The following PDE4D variants were observed in gnomAD, a reference collection of about 807,000 sequenced individuals.
The protein encoded by PDE4D is 3',5'-cyclic-AMP phosphodiesterase 4D.
In PDE4D, 24 loss-of-function variants were observed where a neutral mutation model predicts 87.4. That is an observed-to-expected ratio of 0.27 (90% CI 0.20 to 0.39). The LOEUF is 0.39. Among genes scored for constraint, PDE4D ranks in the 10% least tolerant of loss-of-function variants. The probability of loss-of-function intolerance (pLI) is 1.00; values close to 1 mark genes in which losing one functional copy is unlikely to be tolerated. For synonymous variants in PDE4D, 384 were observed against 383.2 expected (o/e 1.00, Z -0.02); for missense variants, 714 against 1,041.0 (o/e 0.69, Z 4.32).
At chr5:59,191,509 T>G (rs1007314066) in intron 3 of PDE4D, among the ~76,000 whole-genome samples, 1 of 152,140 alleles carries the variant, frequency 6.6e-6, no homozygotes. Flanking sequence ...TACATTGTTA[T>G]GCCATATTTT....
chr5:59,860,552 T>C (rs149858179), intron 1 of PDE4D, among the ~76,000 whole-genome samples: 1 of 152,302 alleles, frequency 6.6e-6, no homozygotes, highest in African/African-American at 2.4e-5. Flanking sequence ...TTTAAATGAA[T>C]CACTTTTAAA....
intron 2 of PDE4D, among the ~76,000 whole-genome samples, chr5:60,180,480 A>G (rs1203138074): frequency 1.3e-5 from 2 of 152,142 alleles, no homozygotes; most frequent in African/African-American, 2.4e-5. Flanking sequence ...GCCTTCCTAA[A>G]AAGAATTAAA....
chr5:59,625,960 C>T (rs978592234), intron 1 of PDE4D, among the ~76,000 whole-genome samples: 2 of 152,046 alleles, frequency 1.3e-5, no homozygotes, highest in East Asian at 1.9e-4. Context: ...TGGTGGCGGG[C>T]GCCTGTAGTC....
intron 1 of PDE4D, among the ~76,000 whole-genome samples, chr5:59,581,968 G>A (rs544301620): frequency 1.3e-5 from 2 of 152,090 alleles, no homozygotes; most frequent in African/African-American, 2.4e-5. Context: ...ATTTGTGAAC[G>A]AGATGAGTTT....
chr5:59,683,132 T>G (rs1462940781), intron 1 of PDE4D, among the ~76,000 whole-genome samples: 1 of 143,436 alleles, frequency 7.0e-6, no homozygotes, highest in East Asian at 1.9e-4. Context: ...TTTTTAGGAA[T>G]TATTTAAGTA....
rs369679211 is a variant in PDE4D, at chr5:59,126,107, A to AAAG, written c.808+54487_808+54488insCTT. ...TTAAGTACAATTGTAAAAAAAAAAA[A>AAAG]AGAGAGAGAGAGAGAGAGAGAGAAA... On this transcript the variant is annotated intron_variant, in intron 5 of 14. Coordinates refer to ENST00000340635, the MANE Select transcript of PDE4D (RefSeq NM_001104631.2). Among the ~76,000 whole-genome samples, 1,095 of 148,088 alleles carry AAAG rather than the reference A, an allele frequency of 7.4e-3. 4 individuals are homozygous for AAAG. The highest frequency in any genetic ancestry group is 9.7e-3 in the African/African-American group (386 of 39,814).
chr5:59,960,892 G>T (rs186122764), intron 3 of PDE4D, among the ~76,000 whole-genome samples: 1 of 152,252 alleles, frequency 6.6e-6, no homozygotes, highest in East Asian at 1.9e-4. Flanking sequence ...ATATTTATAT[G>T]TGAATTGAAA....
At chr5:60,245,228 T>A (rs1338238858) in intron 1 of PDE4D, among the ~76,000 whole-genome samples, 1 of 151,934 alleles carries the variant, frequency 6.6e-6, no homozygotes, top group Non-Finnish European at 1.5e-5. Flanking sequence ...AAAACTACAA[T>A]GAGATATCAT....
At chr5:60,511,776 T>C (rs1750586659) in intron 1 of PDE4D, among the ~76,000 whole-genome samples, 1 of 151,982 alleles carries the variant, frequency 6.6e-6, no homozygotes, top group African/African-American at 2.4e-5. Context: ...CATTATATTG[T>C]AGTGCATTTT....
intron 1 of PDE4D, among the ~76,000 whole-genome samples, chr5:59,718,378 T>TA (rs1189322507): frequency 2.0e-5 from 3 of 152,188 alleles, no homozygotes; most frequent in African/African-American, 4.8e-5. Flanking sequence ...AAGGAACCTC[T>TA]AGTAAGCTGG....
intron 1 of PDE4D, among the ~76,000 whole-genome samples, chr5:60,365,328 T>G (rs2149966822): frequency 6.6e-6 from 1 of 152,320 alleles, no homozygotes; most frequent in South Asian, 2.1e-4. Flanking sequence ...CCAGCTCCTT[T>G]TGAAATGTCA....
intron 1 of PDE4D, among the ~76,000 whole-genome samples, chr5:60,429,308 C>T (rs1410279277): frequency 6.6e-6 from 1 of 152,152 alleles, no homozygotes; most frequent in East Asian, 1.9e-4. Context: ...TCAGCTTGGA[C>T]ATTATCGGTG....
intron 1 of PDE4D, among the ~76,000 whole-genome samples, chr5:59,822,409 T>C (rs778112858): frequency 7.9e-5 from 12 of 152,196 alleles, no homozygotes; most frequent in Middle Eastern, 3.2e-3. Flanking sequence ...TTGGAGGTAA[T>C]GATTTTTAAG....
intron 1 of PDE4D, among the ~76,000 whole-genome samples, chr5:59,769,721 A>G (rs1763252603): frequency 6.6e-6 from 1 of 152,226 alleles, no homozygotes; most frequent in African/African-American, 2.4e-5. Context: ...GGAAGTTCCC[A>G]GTAGCTTAGT....
chr5:59,701,146 G>T (rs1451529063), intron 1 of PDE4D, among the ~76,000 whole-genome samples: 1 of 152,100 alleles, frequency 6.6e-6, no homozygotes, highest in Non-Finnish European at 1.5e-5. Flanking sequence ...CAGTGTCTCT[G>T]TTCCTGCTAT....
At chr5:59,466,896 C>T (rs770859628) in intron 1 of PDE4D, among the ~76,000 whole-genome samples, 12 of 152,094 alleles carry the variant, frequency 7.9e-5, no homozygotes, top group Admixed American at 5.9e-4. Flanking sequence ...TTGAAGTCCT[C>T]GTACATATAC....
At chr5:59,080,438 A>G (rs572779150) in intron 5 of PDE4D, among the ~76,000 whole-genome samples, 1 of 152,276 alleles carries the variant, frequency 6.6e-6, no homozygotes, top group Admixed American at 6.5e-5. Context: ...TGGCTGCAAA[A>G]TGACTTCACT....
At chr5:59,563,230 A>G (rs567751393) in intron 1 of PDE4D, among the ~76,000 whole-genome samples, 1 of 152,372 alleles carries the variant, frequency 6.6e-6, no homozygotes, top group South Asian at 2.1e-4. Flanking sequence ...TTACCACACA[A>G]AGTGCTTAGC....
intron 1 of PDE4D, among the ~76,000 whole-genome samples, chr5:59,384,792 T>A (rs1023079246): frequency 6.6e-6 from 1 of 152,054 alleles, no homozygotes; most frequent in Non-Finnish European, 1.5e-5. Context: ...GATTTTCATT[T>A]TTTTAGCCAT....
Sources: allele counts gnomAD v4.1 joint callset (sites outside exome capture counted in the v4.1 genomes callset), GRCh38; gene constraint gnomAD v4.1.1; transcripts MANE v1.5; gene names NCBI Gene and HGNC (gene_info 2026-07-23, HGNC 2026-07-21).